CEP85L: variants seen among roughly 807,000 people sequenced by gnomAD.
The protein encoded by CEP85L is centrosomal protein 85L.
A neutral mutation model predicts 100.3 loss-of-function variants in CEP85L; 60 were observed. That is an observed-to-expected ratio of 0.60 (90% CI 0.49 to 0.74). The LOEUF (loss-of-function observed/expected upper bound fraction) is 0.74. Ranked by LOEUF, CEP85L falls within the 30% of genes least tolerant of loss-of-function variation. The pLI, the probability that CEP85L is intolerant of heterozygous loss-of-function variation, is 0.00. For missense variants in CEP85L, 973 were observed against 936.2 expected, an observed-to-expected ratio of 1.04 and a Z score of -0.51; for synonymous variants, 319 against 322.7, an observed-to-expected ratio of 0.99 and a Z score of 0.12.
chr6:118,545,092 T>C (rs1778118872), intron 3 of CEP85L, among the ~76,000 whole-genome samples: 2 of 152,214 alleles, frequency 1.3e-5, no homozygotes, highest in South Asian at 2.1e-4. Context: ...CAAAAATTGA[T>C]TCAAAGCTTG....
intron 2 of CEP85L, among the ~76,000 whole-genome samples, chr6:118,570,563 GA>G (rs370224532): frequency 1.5e-3 from 223 of 152,290 alleles, no homozygotes; most frequent in African/African-American, 5.2e-3. Context: ...CATAGACTAT[GA>G]TACTGAATAT....
At chr6:118,561,940 G>A (rs993190790) in intron 3 of CEP85L, among the ~76,000 whole-genome samples, 8 of 152,064 alleles carry the variant, frequency 5.3e-5, no homozygotes, top group Non-Finnish European at 8.8e-5. Flanking sequence ...GGCAAAGTAG[G>A]ACTATAATAA....
chr6:118,684,337 C>T (rs1776760837), intron 1 of CEP85L, among the ~76,000 whole-genome samples: 1 of 152,042 alleles, frequency 6.6e-6, no homozygotes, highest in Admixed American at 6.6e-5. Context: ...CCGAGCTCTA[C>T]AAAAAATTTA....
At chr6:118,595,760 T>C (rs1583133175) in intron 2 of CEP85L, among the ~76,000 whole-genome samples, 1 of 152,176 alleles carries the variant, frequency 6.6e-6, no homozygotes, top group African/African-American at 2.4e-5. Flanking sequence ...CACTGAGGTT[T>C]TTACAATAAT....
At chr6:118,637,279 T>C (rs767996313) in intron 1 of CEP85L, among the ~76,000 whole-genome samples, 7 of 152,212 alleles carry the variant, frequency 4.6e-5, no homozygotes, top group Non-Finnish European at 8.8e-5. Flanking sequence ...CTTAGAGCCT[T>C]TTTATTTAGC....
At chr6:118,709,650 C>T (rs1421542830) in intron 1 of CEP85L, among the ~76,000 whole-genome samples, 1 of 151,510 alleles carries the variant, frequency 6.6e-6, no homozygotes, top group Non-Finnish European at 1.5e-5. Context: ...GAAAGACTTT[C>T]CAGCTTATTT....
intron 2 of CEP85L, among the ~76,000 whole-genome samples, chr6:118,594,237 CT>C (rs1040410434): frequency 3.9e-5 from 6 of 152,174 alleles, no homozygotes; most frequent in Non-Finnish European, 8.8e-5. Context: ...CTTTATAAGG[CT>C]TTTGTTTTTA....
chr6:118,494,280 A>G (rs1175092000), intron 5 of CEP85L, among the ~76,000 whole-genome samples: 1 of 152,196 alleles, frequency 6.6e-6, no homozygotes, highest in Non-Finnish European at 1.5e-5. Context: ...GTGTTCTACA[A>G]GATCTTCAGT....
chr6:118,686,872 T>C (rs1776851477), intron 1 of CEP85L, among the ~76,000 whole-genome samples: 1 of 152,174 alleles, frequency 6.6e-6, no homozygotes. Context: ...AGATCACATC[T>C]CACCTGATTA....
intron 3 of CEP85L, among the ~76,000 whole-genome samples, chr6:118,529,308 TAAAA>T (rs1365934597): frequency 1.3e-5 from 2 of 152,152 alleles, no homozygotes; most frequent in Non-Finnish European, 2.9e-5. Context: ...TAACAACTTA[TAAAA>T]TCTTACTAGT....
chr6:118,607,516 A>G (rs374105156), intron 2 of CEP85L, among the ~76,000 whole-genome samples: 1 of 152,154 alleles, frequency 6.6e-6, no homozygotes, highest in African/African-American at 2.4e-5. Context: ...CCACAGCCAT[A>G]GCAAAGAGTG....
intron 10 of CEP85L, among the ~76,000 whole-genome samples, chr6:118,474,781 A>C (rs577952999): frequency 3.4e-4 from 52 of 152,196 alleles, no homozygotes; most frequent in Non-Finnish European, 6.0e-4. Context: ...CATTTGCAAC[A>C]GTGTGATGAC....
intron 2 of CEP85L, among the ~76,000 whole-genome samples, chr6:118,631,323 A>G (rs1224818621): frequency 6.6e-6 from 1 of 152,242 alleles, no homozygotes; most frequent in Non-Finnish European, 1.5e-5. Context: ...TTTTACACTA[A>G]GTGGTAGCAA....
At chr6:118,649,665 G>A (rs1232479945) in intron 1 of CEP85L, among the ~76,000 whole-genome samples, 1 of 152,058 alleles carries the variant, frequency 6.6e-6, no homozygotes, top group East Asian at 1.9e-4. Context: ...TTAGATGACA[G>A]GATTTGTGAA....
chr6:118,699,176 G>A (rs1444658220), intron 1 of CEP85L, among the ~76,000 whole-genome samples: 2 of 152,172 alleles, frequency 1.3e-5, no homozygotes, highest in African/African-American at 4.8e-5. Flanking sequence ...CCATGGGCCA[G>A]GTGCAGTGGC....
chr6:118,531,890 C>CT (rs1174576077), intron 3 of CEP85L, among the ~76,000 whole-genome samples: 1 of 152,036 alleles, frequency 6.6e-6, no homozygotes, highest in Non-Finnish European at 1.5e-5. Context: ...AAAGGGAACA[C>CT]TTATACAGTG....
intron 6 of CEP85L, 183 bp downstream of exon 6, chr6:118,491,503 C>T: frequency 7.3e-7 from 1 of 1,360,966 alleles, no homozygotes; most frequent in South Asian, 2.0e-5. Flanking sequence ...TTTCTATCCT[C>T]AAAGAAAATC....
At chr6:118,651,877 C>T (rs1018047605), upstream of CEP85L, 7 of 985,388 alleles carry the variant, frequency 7.1e-6, no homozygotes, top group African/African-American at 8.7e-5. Flanking sequence ...CTTGGGTAAT[C>T]CCTCACGCCC....
intron 1 of CEP85L, among the ~76,000 whole-genome samples, chr6:118,643,366 G>C (rs1774995018): frequency 6.6e-6 from 1 of 152,160 alleles, no homozygotes; most frequent in Admixed American, 6.5e-5. Context: ...CTCTACAAAA[G>C]CAATGTAATC....
Sources: allele counts gnomAD v4.1 joint callset (sites outside exome capture counted in the v4.1 genomes callset), GRCh38; gene constraint gnomAD v4.1.1; transcripts MANE v1.5; gene names NCBI Gene and HGNC (gene_info 2026-07-23, HGNC 2026-07-21).